Variants in LRRC7 observed in about 807,000 individuals in gnomAD.
LRRC7 encodes the protein leucine-rich repeat-containing protein 7.
In LRRC7, 23 loss-of-function variants were observed where a neutral mutation model predicts 175.7. The observed-to-expected ratio is 0.13, with a 90% CI of 0.09 to 0.19. The LOEUF (loss-of-function observed/expected upper bound fraction) is 0.19, where lower values mean the gene tolerates loss of function less well. LRRC7 is among the 10% of genes least tolerant of loss of function. The pLI, the probability that LRRC7 is intolerant of heterozygous loss-of-function variation, is 1.00. For synonymous variants in LRRC7, 685 were observed against 680.9 expected (o/e 1.01, Z -0.09); for missense variants, 1,354 against 1,904.7 (o/e 0.71, Z 5.38).
In LRRC7 at chr1:69,593,294, A is replaced by G. The variant is rs1036024122; in HGVS notation, c.2+24653A>G. 5.3e-5 allele frequency among the ~76,000 whole-genome samples: 8 copies of G among 152,288 alleles called. No individual in the cohort carries two copies. In the South Asian group the frequency reaches 1.7e-3, roughly 32 times the overall value. ...GAAAAATAAAGTAAGGTCATGAACA[A>G]CCTACAGTAGAATCCAAACGTATTT... On this transcript the variant is annotated intron_variant, in intron 1 of 26. Coordinates refer to ENST00000651989, the MANE Select transcript of LRRC7 (RefSeq NM_001370785.2).
intron 8 of LRRC7, among the ~76,000 whole-genome samples, chr1:69,940,875 A>T (rs780448884): frequency 6.6e-6 from 1 of 152,122 alleles, no homozygotes; most frequent in Non-Finnish European, 1.5e-5. Context: ...AACAAATGTT[A>T]TTTGATTTCA....
rs772849551 is a variant in LRRC7, at chr1:70,089,744, A to C, written c.4470A>C (p.Glu1490Asp). The C allele has an allele frequency of 1.2e-6, 2 of 1,608,728 alleles. No homozygotes were observed. The highest frequency in any genetic ancestry group is 2.7e-5 in the African/African-American group (2 of 74,758). ...TTACATAGTTTTGTGTGAGAATAGAAAAGAATCCTGGCCTTGGATTTAGTA... is the reference window on the plus strand; with the variant it reads ...TTACATAGTTTTGTGTGAGAATAGACAAGAATCCTGGCCTTGGATTTAGTA... ...GYPEQFCVRIEKNPGLGFSIS... is the reference protein window; with the variant it reads ...GYPEQFCVRIDKNPGLGFSIS... The change falls in exon 25 of 27, where the codon GAA becomes GAC. Residue 1490 changes from glutamate to aspartate, a missense_variant. This residue lies in a region of LRRC7 where 53 missense variants were observed against 112.6 expected (regional missense o/e 0.47). Transcript: ENST00000651989.
chr1:69,744,323 T>C (rs1408240507), intron 2 of LRRC7, among the ~76,000 whole-genome samples: 1 of 151,832 alleles, frequency 6.6e-6, no homozygotes, highest in African/African-American at 2.4e-5. Flanking sequence ...TTTTCTACTA[T>C]CCTTAAAGAC....
intron 22 of LRRC7, among the ~76,000 whole-genome samples, chr1:70,044,297 T>C (rs946280649): frequency 6.6e-6 from 1 of 152,240 alleles, no homozygotes; most frequent in African/African-American, 2.4e-5. Context: ...AGGTTCCTGC[T>C]TTTTGGATTG....
In LRRC7 at chr1:69,960,581, T is replaced by C. The variant is rs78507716; in HGVS notation, c.712-19798T>C. Among the ~76,000 whole-genome samples, 510 of 151,932 alleles carry C rather than the reference T, an allele frequency of 3.4e-3. 3 individuals carry two copies. The highest frequency in any genetic ancestry group is 0.011 in the African/African-American group (475 of 41,332). On this transcript the variant is annotated intron_variant, in intron 8 of 26. Transcript: ENST00000651989. ...TTAGTTCTGATGTTGGGTTGTTAAA[T>C]TGAAATCTTTCTAGTTTTTTTTTTT...
At chr1:69,964,553 TTTG>T (rs1651474786) in intron 8 of LRRC7, among the ~76,000 whole-genome samples, 1 of 152,190 alleles carries the variant, frequency 6.6e-6, no homozygotes, top group Non-Finnish European at 1.5e-5. Flanking sequence ...GTTAGATTTT[TTTG>T]TTGTTATTGT....
At chr1:69,966,885 A>G (rs1322381694) in intron 8 of LRRC7, among the ~76,000 whole-genome samples, 1 of 152,212 alleles carries the variant, frequency 6.6e-6, no homozygotes. Flanking sequence ...CACTGGGCAA[A>G]GTCCACATGG....
intron 7 of LRRC7, among the ~76,000 whole-genome samples, chr1:69,910,710 C>T (rs1646497572): frequency 6.6e-6 from 1 of 152,200 alleles, no homozygotes. Context: ...CTGGGAGAAC[C>T]ACTACTCTCT....
At chr1:69,578,224 A>G (rs1320396076) in intron 1 of LRRC7, among the ~76,000 whole-genome samples, 2 of 151,336 alleles carry the variant, frequency 1.3e-5, no homozygotes, top group Admixed American at 6.6e-5. Flanking sequence ...GAGAAATGCA[A>G]ATCAAAACCA....
rs1208613203 is a variant in LRRC7, at chr1:70,076,073, A to G, written c.4231-4A>G. 6.2e-7 allele frequency: 1 copy of G among 1,612,908 alleles called. No individual in the cohort carries two copies. The highest frequency in any genetic ancestry group is 2.2e-5 in the East Asian group (1 of 44,872). ...CTTTGCCTGACAGATTATCTTCTCC[A>G]CAGGCAGGCAGCCACATCCAGACGT... On this transcript the variant is annotated splice_polypyrimidine_tract_variant and splice_region_variant and intron_variant, in intron 23 of 26. Transcript: ENST00000651989.
chr1:69,693,885 TTTTAGTTTTCTA>T (rs1662225448), intron 2 of LRRC7, among the ~76,000 whole-genome samples: 1 of 152,228 alleles, frequency 6.6e-6, no homozygotes, highest in South Asian at 2.1e-4. Context: ...GTACTTTGTA[TTTTAGTTTTCTA>T]TTGCTTTCAG....
intron 1 of LRRC7, among the ~76,000 whole-genome samples, chr1:69,628,657 A>T (rs1179741036): frequency 6.6e-6 from 1 of 152,154 alleles, no homozygotes. Context: ...CAAACACACG[A>T]ATACCTAACA....
intron 1 of LRRC7, among the ~76,000 whole-genome samples, chr1:69,649,930 C>T (rs1655549443): frequency 6.6e-6 from 1 of 151,830 alleles, no homozygotes; most frequent in African/African-American, 2.4e-5. Flanking sequence ...AGGCTCACTC[C>T]TCAAGGAGAT....
rs142080993 is a variant in LRRC7 at position 69,579,542 on chromosome 1, A to G, written c.2+10901A>G. On this transcript the variant is annotated intron_variant, in intron 1 of 26. Transcript: ENST00000651989. ...CAAACCAGTACATATGTGGAGACTCACTGGATATTTTATCCCAAGCAGACT... is the reference window on the plus strand; with the variant it reads ...CAAACCAGTACATATGTGGAGACTCGCTGGATATTTTATCCCAAGCAGACT... 9.2e-5 allele frequency among the ~76,000 whole-genome samples: 14 copies of G among 152,206 alleles called. No homozygotes were observed. The East Asian group carries it at 2.7e-3, about 29-fold the overall frequency.
At chr1:69,755,558 A>G (rs1167613506) in intron 2 of LRRC7, among the ~76,000 whole-genome samples, 1 of 151,418 alleles carries the variant, frequency 6.6e-6, no homozygotes, top group Non-Finnish European at 1.5e-5. Context: ...GTGTACATAT[A>G]TACATACATA....
intron 3 of LRRC7, among the ~76,000 whole-genome samples, chr1:69,781,786 A>AAAGGAAGGAAGGAAGGAAGGAAGG (rs771907811): frequency 4.2e-4 from 12 of 28,246 alleles, no homozygotes; most frequent in Non-Finnish European, 4.8e-4. Context: ...AGAAAGAAAG[A>AAAGGAAGGAAGGAAGGAAGGAAGG]AAGGAAGGAA....
At chr1:70,004,656 T>G (rs181861884) in intron 11 of LRRC7, among the ~76,000 whole-genome samples, 13 of 152,170 alleles carry the variant, frequency 8.5e-5, no homozygotes, top group African/African-American at 2.9e-4. Flanking sequence ...TCGGTTATAC[T>G]GGCATTTTTA....
chr1:69,990,174 A>G (rs1473786216), intron 10 of LRRC7, among the ~76,000 whole-genome samples: 1 of 152,148 alleles, frequency 6.6e-6, no homozygotes, highest in African/African-American at 2.4e-5. Flanking sequence ...GGCAAGCTTT[A>G]CCAAATTTAC....
intron 3 of LRRC7, among the ~76,000 whole-genome samples, chr1:69,761,855 CA>C (rs1671072204): frequency 6.6e-6 from 1 of 151,866 alleles, no homozygotes; most frequent in East Asian, 1.9e-4. Flanking sequence ...CTTCATATGC[CA>C]CAGGACTTGA....
Sources: gnomAD v4.1 joint callset for allele counts (sites outside exome capture counted in the v4.1 genomes callset) on GRCh38, gnomAD v4.1.1 for gene constraint, gnomAD v4.1.1 regional missense constraint, MANE v1.5 for transcripts, NCBI Gene and HGNC (gene_info 2026-07-23, HGNC 2026-07-21) for gene names.